CCDC171: variants seen among roughly 807,000 people sequenced by gnomAD.
CCDC171 encodes coiled-coil domain-containing protein 171.
In CCDC171, 177 loss-of-function variants were observed where a neutral mutation model predicts 168.2. The observed-to-expected ratio is 1.05, with a 90% CI of 0.93 to 1.19. The LOEUF is 1.19. Ranked by LOEUF, CCDC171 falls within the 50% of genes most tolerant of loss-of-function variation. The pLI is 0.00. For synonymous variants in CCDC171, 687 were observed against 540.8 expected (o/e 1.27, Z -3.75); for missense variants, 1,991 against 1,539.0 (o/e 1.29, Z -4.91).
At chr9:16,033,446 G>A (rs879757360) in intron 6 of CCDC171, among the ~76,000 whole-genome samples, 6 of 152,304 alleles carry the variant, frequency 3.9e-5, no homozygotes, top group Non-Finnish European at 7.3e-5. Flanking sequence ...GTTGTAAACC[G>A]CGCATGCGTG....
intron 7 of CCDC171, among the ~76,000 whole-genome samples, chr9:15,645,175 G>C (rs1002182951): frequency 3.3e-5 from 5 of 152,226 alleles, no homozygotes; most frequent in African/African-American, 9.6e-5. Flanking sequence ...ACCTGCAGCT[G>C]AGGGTCCTGT....
intron 20 of CCDC171, 144 bp from the exon 21 acceptor site, chr9:15,784,365 G>T: frequency 2.1e-6 from 1 of 472,144 alleles, no homozygotes; most frequent in Non-Finnish European, 3.7e-6. Flanking sequence ...CTTGACTTAT[G>T]CAATTAAGAA....
At chr9:15,643,837 G>C (rs564410713) in intron 7 of CCDC171, among the ~76,000 whole-genome samples, 9 of 152,090 alleles carry the variant, frequency 5.9e-5, no homozygotes, top group Non-Finnish European at 1.3e-4. Context: ...GTGGTCTTTT[G>C]TATTTGACTT....
At chr9:15,861,216 C>CCT (rs59122272) in intron 23 of CCDC171, among the ~76,000 whole-genome samples, 53,265 of 148,468 alleles carry the variant, frequency 0.36, 11,818 homozygotes, top group East Asian at 0.64. Context: ...ATAGTTGGAT[C>CCT]TTTTTTTTTT....
chr9:16,028,343 G>A (rs145860842), intron 6 of CCDC171, among the ~76,000 whole-genome samples: 1 of 152,234 alleles, frequency 6.6e-6, no homozygotes, highest in Non-Finnish European at 1.5e-5. Flanking sequence ...GAGACCGACC[G>A]GGAGAGGGAT....
intron 21 of CCDC171, among the ~76,000 whole-genome samples, chr9:15,800,326 C>G (rs1432532024): frequency 2.0e-5 from 3 of 151,952 alleles, no homozygotes; most frequent in African/African-American, 7.2e-5. Context: ...TAAGATGATA[C>G]CTCATTGTAA....
intron 1 of CCDC171, among the ~76,000 whole-genome samples, chr9:16,045,667 T>C (rs1451073590): frequency 6.6e-6 from 1 of 152,174 alleles, no homozygotes; most frequent in Non-Finnish European, 1.5e-5. Flanking sequence ...CATTCTCTTC[T>C]AGAGCCAGAG....
the CCDC171 span, among the ~76,000 whole-genome samples, chr9:16,094,517 G>T: frequency 2.0e-5 from 3 of 152,160 alleles, no homozygotes; most frequent in Non-Finnish European, 4.4e-5. Flanking sequence ...TTTGATGTGG[G>T]TATGAGGGAG....
At chr9:15,635,037 T>C (rs2046094978) in intron 7 of CCDC171, among the ~76,000 whole-genome samples, 1 of 152,206 alleles carries the variant, frequency 6.6e-6, no homozygotes, top group South Asian at 2.1e-4. Flanking sequence ...TCTCTGTCCA[T>C]CAGTTGATGG....
intron 21 of CCDC171, among the ~76,000 whole-genome samples, 189 bp downstream of exon 21, chr9:15,784,883 G>A (rs146638266): frequency 1.5e-3 from 222 of 152,238 alleles, no homozygotes; most frequent in African/African-American, 5.2e-3. Context: ...GAAGGTAAAA[G>A]TAGGCTTTAC....
At chr9:15,770,442 T>C (rs982763230) in intron 18 of CCDC171, among the ~76,000 whole-genome samples, 1 of 152,182 alleles carries the variant, frequency 6.6e-6, no homozygotes, top group East Asian at 1.9e-4. Flanking sequence ...TTTAAAATGA[T>C]TATTCTTAGA....
chr9:15,738,653 T>A (rs2054647463), intron 16 of CCDC171, among the ~76,000 whole-genome samples: 1 of 152,098 alleles, frequency 6.6e-6, no homozygotes, highest in Non-Finnish European at 1.5e-5. Context: ...GCTCTATAGC[T>A]GTTTCCACCC....
At chr9:16,009,656 T>C (rs143945366) in intron 3 of CCDC171, among the ~76,000 whole-genome samples, 2,602 of 152,240 alleles carry the variant, frequency 0.017, 69 homozygotes, top group African/African-American at 0.058. Flanking sequence ...AATAGTCAAA[T>C]TGGTAGAAAA....
At chr9:15,899,127 G>C (rs1821302104) in intron 24 of CCDC171, among the ~76,000 whole-genome samples, 1 of 152,040 alleles carries the variant, frequency 6.6e-6, no homozygotes, top group Non-Finnish European at 1.5e-5. Context: ...ATCCATCCAA[G>C]TTTTTGCATA....
chr9:15,913,137 A>T (rs374581034), intron 24 of CCDC171, among the ~76,000 whole-genome samples: 2 of 152,146 alleles, frequency 1.3e-5, no homozygotes, highest in Admixed American at 6.5e-5. Flanking sequence ...TGTACTTCTG[A>T]TAGAATTCCA....
At chr9:15,943,633 G>C (rs545325094) in intron 25 of CCDC171, among the ~76,000 whole-genome samples, 1 of 152,030 alleles carries the variant, frequency 6.6e-6, no homozygotes, top group African/African-American at 2.4e-5. Context: ...AGTGCCCAAC[G>C]AAGGTTTATT....
chr9:15,811,833 T>C (rs1482477476), intron 21 of CCDC171, among the ~76,000 whole-genome samples: 1 of 152,212 alleles, frequency 6.6e-6, no homozygotes, highest in Non-Finnish European at 1.5e-5. Context: ...CCTTAAGATG[T>C]GTTGCTGCTG....
intron 6 of CCDC171, among the ~76,000 whole-genome samples, chr9:15,607,601 A>G (rs900908066): frequency 2.0e-5 from 3 of 152,028 alleles, no homozygotes; most frequent in Admixed American, 1.3e-4. Context: ...AGCTGAGACC[A>G]CAGGCACGTG....
chr9:15,635,308 A>G (rs2046118123), intron 7 of CCDC171, among the ~76,000 whole-genome samples: 1 of 152,184 alleles, frequency 6.6e-6, no homozygotes, highest in Admixed American at 6.6e-5. Flanking sequence ...CTTATTAGCC[A>G]TTCATATATC....
Sources: gnomAD v4.1 joint callset for allele counts (sites outside exome capture counted in the v4.1 genomes callset) on GRCh38, gnomAD v4.1.1 for gene constraint, MANE v1.5 for transcripts, NCBI Gene and HGNC (gene_info 2026-07-23, HGNC 2026-07-21) for gene names.